CHMP7: variants seen among roughly 807,000 people sequenced by gnomAD.
CHMP7 encodes CHMP family, member 7.
Under a neutral mutation model 53.7 loss-of-function variants are expected in CHMP7, and 15 were observed. The ratio of observed to expected loss-of-function variants is 0.28; its 90% CI spans 0.19 to 0.43. The LOEUF is 0.43. Ranked by LOEUF, CHMP7 falls within the 20% of genes least tolerant of loss-of-function variation. CHMP7 has a pLI of 1.00. For missense variants in CHMP7, 527 were observed against 569.4 expected, an observed-to-expected ratio of 0.93 and a Z score of 0.76; for synonymous variants, 261 against 228.0, an observed-to-expected ratio of 1.14 and a Z score of -1.30.
rs773004264 is a variant in CHMP7 at position 23,256,572 on chromosome 8, C to G, written c.770C>G (p.Ser257Cys). Residue 257 changes from serine to cysteine, a missense_variant, in exon 5 of 11, where the codon TCC becomes TGC. Coordinates refer to ENST00000397677, the MANE Select transcript of CHMP7 (RefSeq NM_152272.5). ...CAGCTTCTCTCACGCAAAGTGGAGT[C>G]CTTATCCCAGGAAGCAGAGAGGTAA... Reference protein sequence around the residue: ...SEQLLSRKVESLSQEAERCKE... With the variant: ...SEQLLSRKVECLSQEAERCKE... The G allele has an allele frequency of 6.2e-7, 1 of 1,614,008 alleles. No individual in the cohort carries two copies.
At chr8:23,244,981 A>G (rs1285450758) in intron 1 of CHMP7, among the ~76,000 whole-genome samples, 1 of 152,198 alleles carries the variant, frequency 6.6e-6, no homozygotes, top group African/African-American at 2.4e-5. Context: ...TTAACTTTGT[A>G]TCTGCAATCT....
At chr8:23,256,036 A>C (rs529347178) in intron 4 of CHMP7, among the ~76,000 whole-genome samples, 156 of 152,260 alleles carry the variant, frequency 1.0e-3, no homozygotes, top group Non-Finnish European at 1.4e-3. Context: ...CTAGGATTAC[A>C]GGTGTAAACC....
chr8:23,254,658 C>A, intron 3 of CHMP7: 1 of 157,368 alleles, frequency 6.4e-6, no homozygotes, highest in South Asian at 1.9e-4. Context: ...CTCAGGTGAT[C>A]AGCCTCCCAG....
Position 23,246,831 on chromosome 8 carries a change from A to C in CHMP7, c.136A>C (p.Ser46Arg). The C allele has an allele frequency of 6.2e-7, 1 of 1,600,012 alleles. No individual in the cohort carries two copies. The highest frequency in any genetic ancestry group is 8.5e-7 in the Non-Finnish European group (1 of 1,173,682). ...SAFKRSREVNSTDWDSKMGFW... is the reference protein window; with the variant it reads ...SAFKRSREVNRTDWDSKMGFW... ...TTTCAAGAGGAGTCGCGAGGTGAAC[A>C]GCACCGACTGGGACAGCAAGATGGG... Residue 46 changes from serine (S) to arginine (R), a missense_variant, in exon 2 of 11, where the codon AGC becomes CGC. Ser to Arg is a moderately radical substitution (Grantham distance 110, BLOSUM62 -1). Transcript: ENST00000397677.
chr8:23,260,012 A>T (rs745744310), intron 9 of CHMP7, 132 bp from the exon 10 acceptor site: 19 of 663,432 alleles, frequency 2.9e-5, no homozygotes, highest in Non-Finnish European at 4.3e-5. Context: ...GACTTCCGGG[A>T]TTTTTTTTTA....
chr8:23,251,958 CA>C (rs1801946368), intron 3 of CHMP7, among the ~76,000 whole-genome samples: 1 of 151,978 alleles, frequency 6.6e-6, no homozygotes, highest in African/African-American at 2.4e-5. Context: ...AACTACTTTT[CA>C]AAAGTTTGTA....
intron 2 of CHMP7, 128 bp from the exon 3 acceptor site, chr8:23,249,082 G>A (rs887814935): frequency 9.9e-6 from 7 of 708,046 alleles, no homozygotes; most frequent in Middle Eastern, 4.2e-4. Flanking sequence ...TTGGCACAGC[G>A]TAGGTGCTTA....
Position 23,260,660 on chromosome 8 carries a change from G to A in CHMP7, c.*61G>A. ...ACCAGGCTTGCTGGGTGTGTACATA[G>A]TTATTTAAACAAGAAACTCTCAGAA... On this transcript the variant is annotated 3_prime_UTR_variant, in exon 11 of 11. Coordinates refer to ENST00000397677, the MANE Select transcript of CHMP7 (RefSeq NM_152272.5). 1 of 1,281,838 alleles carries A rather than the reference G, an allele frequency of 7.8e-7. No homozygotes were observed. The highest frequency in any genetic ancestry group is 2.3e-5 in the East Asian group (1 of 43,376). The allele number at this position is 1,281,838 out of a possible 1,614,324, so 79.4% of individuals were successfully genotyped here. A position where few individuals can be genotyped will look rare whatever the true frequency, so the allele number is the denominator to read the frequency against.
At chr8:23,256,622 T>C in intron 5 of CHMP7, 29 bp downstream of exon 5, 1 of 1,600,422 alleles carries the variant, frequency 6.2e-7, no homozygotes, top group Admixed American at 1.7e-5. Flanking sequence ...CTGAGCCTCC[T>C]CCCCACTGTT....
intron 9 of CHMP7, 106 bp from the exon 10 acceptor site, chr8:23,260,038 T>C (rs1205891570): frequency 1.2e-6 from 1 of 837,682 alleles, no homozygotes; most frequent in Non-Finnish European, 1.9e-6. Context: ...CAAGGAGGCC[T>C]GGCATCTTTT....
chr8:23,261,036 C>A lies in CHMP7; in HGVS notation c.*437C>A. ...CCTGTCGCTAATGTCAGTTAAATAG[C>A]TTATTCCTGTCCCACTTGATTTCAC... On this transcript the variant is annotated 3_prime_UTR_variant, in exon 11 of 11. Transcript: ENST00000397677. 1 of 180,966 alleles carries A rather than the reference C, an allele frequency of 5.5e-6. No individual in the cohort carries two copies. Among genetic ancestry groups the A allele is most frequent in the Non-Finnish European group, 1.2e-5 (1 of 85,588 alleles). 11.2% of individuals were successfully genotyped at this position (180,966 alleles called of 1,614,324 possible).
chr8:23,247,065 C>A, intron 2 of CHMP7, 71 bp downstream of exon 2: 1 of 1,393,014 alleles, frequency 7.2e-7, no homozygotes, highest in Non-Finnish European at 9.4e-7. Flanking sequence ...GGCCCTGGTC[C>A]TGTTCTCTGC....
At chr8:23,248,809 G>C (rs1801808843) in intron 2 of CHMP7, among the ~76,000 whole-genome samples, 1 of 152,154 alleles carries the variant, frequency 6.6e-6, no homozygotes, top group Non-Finnish European at 1.5e-5. Context: ...TCTTGCACTC[G>C]ACAGTGATTT....
chr8:23,257,478 A>G (rs1441422277), intron 5 of CHMP7, among the ~76,000 whole-genome samples: 1 of 152,186 alleles, frequency 6.6e-6, no homozygotes, highest in African/African-American at 2.4e-5. Flanking sequence ...TGTCCATTCA[A>G]CTAATATTTA....
rs1458559707 is a variant in CHMP7, at chr8:23,255,545, A to G, written c.657+113A>G. The G allele has an allele frequency of 5.9e-6, 5 of 854,102 alleles. No individual in the cohort carries two copies. In the East Asian group the frequency reaches 7.5e-5, roughly 13 times the overall value. The allele number at this position is 854,102 out of a possible 1,614,324, so 52.9% of individuals were successfully genotyped here. A position where few individuals can be genotyped will look rare whatever the true frequency, so the allele number is the denominator to read the frequency against. On this transcript the variant is annotated intron_variant, in intron 4 of 10. Transcript: ENST00000397677. ...CCAGAGTTTCAGTAACCTGCCGTCA[A>G]CCACGGTCCAAAAATAATAAGTGGA...
chr8:23,255,910 C>T (rs118169462), intron 4 of CHMP7, among the ~76,000 whole-genome samples: 2,307 of 152,038 alleles, frequency 0.015, 33 homozygotes, highest in Non-Finnish European at 0.023. Context: ...TACAGGCATG[C>T]GCCACGGCCC....
chr8:23,257,637 CAGG>C (rs1054591634), intron 5 of CHMP7, among the ~76,000 whole-genome samples: 8 of 152,234 alleles, frequency 5.3e-5, no homozygotes, highest in African/African-American at 1.9e-4. Context: ...CACCCTCTGG[CAGG>C]AGAACACAGA....
At chr8:23,250,639 TGTGTGTGTGTGTG>T (rs1801888659) in intron 3 of CHMP7, among the ~76,000 whole-genome samples, 1 of 132,856 alleles carries the variant, frequency 7.5e-6, no homozygotes, top group Admixed American at 7.3e-5. Flanking sequence ...TGTGTGTGTG[TGTGTGTGTGTGTG>T]TGTGTGTGTG....
chr8:23,257,837 G>C (rs1802200484), intron 5 of CHMP7, among the ~76,000 whole-genome samples, 196 bp from the exon 6 acceptor site: 1 of 152,222 alleles, frequency 6.6e-6, no homozygotes, highest in Non-Finnish European at 1.5e-5. Flanking sequence ...CAGCCTGCTT[G>C]AGCCTGCCAC....
Sources: gnomAD v4.1 joint callset for allele counts (sites outside exome capture counted in the v4.1 genomes callset) on GRCh38, gnomAD v4.1.1 for gene constraint, MANE v1.5 for transcripts, NCBI Gene and HGNC (gene_info 2026-07-23, HGNC 2026-07-21) for gene names.